Variants in CSMD1 observed in about 807,000 individuals in gnomAD.
The protein encoded by CSMD1 is CUB and sushi domain-containing protein 1.
Under a neutral mutation model 417.5 loss-of-function variants are expected in CSMD1, and 213 were observed. The observed-to-expected ratio is 0.51, with a 90% confidence interval of 0.46 to 0.57. CSMD1 has a LOEUF of 0.57. Among genes scored for constraint, CSMD1 ranks in the 20% least tolerant of loss-of-function variants. CSMD1 has a pLI of 0.00. For missense variants in CSMD1, 6,923 were observed against 4,529.7 expected, an observed-to-expected ratio of 1.53 and a Z score of -15.17; for synonymous variants, 2,862 against 1,736.8, an observed-to-expected ratio of 1.65 and a Z score of -16.11.
chr8:4,698,157 T>G (rs1366727079), intron 1 of CSMD1, among the ~76,000 whole-genome samples: 1 of 150,426 alleles, frequency 6.6e-6, no homozygotes, highest in Non-Finnish European at 1.5e-5. Flanking sequence ...TTTTTGGAAT[T>G]GAACATAATA....
At chr8:3,450,182 T>C (rs1478198706) in intron 12 of CSMD1, among the ~76,000 whole-genome samples, 2 of 152,212 alleles carry the variant, frequency 1.3e-5, no homozygotes, top group African/African-American at 4.8e-5. Flanking sequence ...TCAGGCGGCC[T>C]CCAGCCTCTG....
intron 11 of CSMD1, among the ~76,000 whole-genome samples, chr8:3,473,347 A>G (rs1193396927): frequency 6.6e-6 from 1 of 152,206 alleles, no homozygotes; most frequent in Non-Finnish European, 1.5e-5. Context: ...AGTTATATTT[A>G]TGAGAAGAAC....
intron 5 of CSMD1, among the ~76,000 whole-genome samples, chr8:3,994,297 T>C (rs1585097718): frequency 6.6e-6 from 1 of 152,038 alleles, no homozygotes; most frequent in South Asian, 2.1e-4. Flanking sequence ...CCCTCAGTGT[T>C]CCCAGCCAAG....
At chr8:4,200,578 C>T (rs1032190943) in intron 3 of CSMD1, among the ~76,000 whole-genome samples, 5 of 151,898 alleles carry the variant, frequency 3.3e-5, no homozygotes, top group East Asian at 1.9e-4. Flanking sequence ...TAAATCTTGG[C>T]GGGCCTGGAG....
At chr8:3,851,339 T>C (rs959399589) in intron 5 of CSMD1, among the ~76,000 whole-genome samples, 3 of 152,220 alleles carry the variant, frequency 2.0e-5, no homozygotes, top group Admixed American at 6.5e-5. Context: ...TCCAACTTGA[T>C]AGCCCATCCA....
In CSMD1 at chr8:3,018,578, G is replaced by A; in HGVS notation, c.7928C>T (p.Thr2643Ile). 1.2e-6 allele frequency: 2 copies of A among 1,613,418 alleles called. No individual in the cohort carries two copies. The highest frequency in any genetic ancestry group is 1.3e-5 in the African/African-American group (1 of 74,864). The stretch of plus-strand genomic sequence containing the variant: ...GCCGGTGTTGCACGTAAATATAGCT[G>A]TGGCCCCATAAACTGTCAACGTTCC... ...KIGTLTVYGA[T>I]AIFTCNTGYT... The change falls in exon 52 of 70, where the codon ACA becomes ATA. Residue 2643 changes from threonine to isoleucine, a missense_variant. Transcript: ENST00000635120.
intron 1 of CSMD1, among the ~76,000 whole-genome samples, chr8:4,991,850 C>G (rs1003241576): frequency 2.6e-5 from 4 of 152,212 alleles, no homozygotes; most frequent in South Asian, 2.1e-4. Flanking sequence ...GGAGCTCGCA[C>G]TTGACCCCGC....
chr8:3,485,124 G>C (rs1037141350), intron 11 of CSMD1, among the ~76,000 whole-genome samples: 2 of 152,132 alleles, frequency 1.3e-5, no homozygotes, highest in Admixed American at 6.5e-5. Context: ...TGTCATAGTA[G>C]CTTTCTTCAT....
intron 3 of CSMD1, among the ~76,000 whole-genome samples, chr8:4,207,355 A>G (rs1366507477): frequency 6.6e-6 from 1 of 152,170 alleles, no homozygotes; most frequent in Non-Finnish European, 1.5e-5. Context: ...GCAACAAATT[A>G]GCTTAATAGT....
At position 4,759,935 on chromosome 8, in the gene CSMD1, G is replaced by C. The variant is rs1045513255; in HGVS notation, c.86-122377C>G. Among the ~76,000 whole-genome samples, 20 of 152,264 alleles carry C rather than the reference G, an allele frequency of 1.3e-4. No homozygotes were observed. In the South Asian group the frequency reaches 2.1e-3, roughly 16 times the overall value. ...TTCTTTGGGTATATACCTAAACATGGAATTACTAGGTCAAAGGGTATTTCT... is the reference window on the plus strand; with the variant it reads ...TTCTTTGGGTATATACCTAAACATGCAATTACTAGGTCAAAGGGTATTTCT... On this transcript the variant is annotated intron_variant, in intron 1 of 69. Coordinates refer to ENST00000635120, the MANE Select transcript of CSMD1 (RefSeq NM_033225.6).
At chr8:3,067,381 G>A (rs1027913880) in intron 49 of CSMD1, among the ~76,000 whole-genome samples, 2 of 152,084 alleles carry the variant, frequency 1.3e-5, no homozygotes, top group Non-Finnish European at 2.9e-5. Context: ...ATAGTCCACT[G>A]TAGCTTCCTT....
At chr8:4,028,193 T>C (rs1012957552) in intron 4 of CSMD1, among the ~76,000 whole-genome samples, 1 of 152,240 alleles carries the variant, frequency 6.6e-6, no homozygotes, top group African/African-American at 2.4e-5. Flanking sequence ...CTAGTCATCA[T>C]ATGAATTTCT....
chr8:4,517,271 C>A (rs780042826), intron 2 of CSMD1, among the ~76,000 whole-genome samples: 1 of 152,126 alleles, frequency 6.6e-6, no homozygotes, highest in Admixed American at 6.5e-5. Flanking sequence ...TAATTTTAGA[C>A]TAACGTAGTG....
chr8:4,507,432 T>C (rs1183757365), intron 2 of CSMD1, among the ~76,000 whole-genome samples: 1 of 152,178 alleles, frequency 6.6e-6, no homozygotes, highest in Admixed American at 6.6e-5. Context: ...ATCCAGTGTT[T>C]TATGGGTGCC....
intron 3 of CSMD1, among the ~76,000 whole-genome samples, chr8:4,331,061 A>G (rs536538382): frequency 9.7e-4 from 148 of 152,316 alleles, no homozygotes; most frequent in Non-Finnish European, 1.7e-3. Flanking sequence ...ATTTCTTCAT[A>G]ATTTTTGTTT....
intron 3 of CSMD1, among the ~76,000 whole-genome samples, chr8:4,142,681 G>A (rs1330954097): frequency 1.3e-5 from 2 of 151,120 alleles, no homozygotes; most frequent in East Asian, 1.9e-4. Flanking sequence ...CTTCTTTGCA[G>A]TTATTGGGTG....
At chr8:4,197,706 C>T (rs1157286039) in intron 3 of CSMD1, among the ~76,000 whole-genome samples, 1 of 152,254 alleles carries the variant, frequency 6.6e-6, no homozygotes, top group Non-Finnish European at 1.5e-5. Flanking sequence ...TAGTGAAGCT[C>T]TGTCTCTACT....
chr8:4,423,357 C>G (rs1053090588), intron 2 of CSMD1, among the ~76,000 whole-genome samples: 3 of 152,088 alleles, frequency 2.0e-5, no homozygotes, highest in Non-Finnish European at 4.4e-5. Context: ...TTGATATCAT[C>G]AAACGTGCAA....
At chr8:4,449,061 T>C (rs1359105942) in intron 2 of CSMD1, among the ~76,000 whole-genome samples, 4 of 152,226 alleles carry the variant, frequency 2.6e-5, no homozygotes, top group South Asian at 2.1e-4. Flanking sequence ...CACAGAAGGA[T>C]GCTATAAACC....
Sources: gnomAD v4.1 joint callset for allele counts (sites outside exome capture counted in the v4.1 genomes callset) on GRCh38, gnomAD v4.1.1 for gene constraint, MANE v1.5 for transcripts, NCBI Gene and HGNC (gene_info 2026-07-23, HGNC 2026-07-21) for gene names.